Variants in PPP4C observed in about 807,000 individuals in gnomAD.
PPP4C encodes the protein serine/threonine-protein phosphatase 4 catalytic subunit.
In PPP4C, 10 loss-of-function variants were observed where a neutral mutation model predicts 40.5. The ratio of observed to expected loss-of-function variants is 0.25; its 90% CI spans 0.15 to 0.42. PPP4C has a LOEUF of 0.42. Ranked by LOEUF, PPP4C falls within the 10% of genes least tolerant of loss-of-function variation. PPP4C has a pLI of 1.00. For missense variants in PPP4C, 191 were observed against 416.4 expected, an observed-to-expected ratio of 0.46 and a Z score of 4.71; for synonymous variants, 187 against 163.6, an observed-to-expected ratio of 1.14 and a Z score of -1.09.
chr16:30,084,337 C>T (rs72791230), intron 7 of PPP4C, among the ~76,000 whole-genome samples: 131 of 152,352 alleles, frequency 8.6e-4, no homozygotes, highest in Admixed American at 3.3e-3. Flanking sequence ...ACAGTCACTC[C>T]GGACCTCCCT....
Position 30,082,626 on chromosome 16 carries a change from G to T in PPP4C, c.201+92G>T. The T allele has an allele frequency of 1.9e-6, 3 of 1,553,438 alleles. No homozygotes were observed. In the Admixed American group the frequency reaches 5.1e-5, roughly 26 times the overall value. On this transcript the variant is annotated intron_variant, in intron 4 of 8. Transcript: ENST00000279387. The stretch of plus-strand genomic sequence containing the variant: ...TGGGAGCCTTAATTTGGGGCGTGGA[G>T]TGGGGGCAAGGGGCCCCAAGTTAGA...
At chr16:30,084,909 T>TGACCCTGC (rs749802085) in intron 8 of PPP4C, 24 bp from the exon 9 acceptor site, 1 of 1,613,890 alleles carries the variant, frequency 6.2e-7, no homozygotes, top group South Asian at 1.1e-5. Flanking sequence ...GAGCTGCTCC[T>TGACCCTGC]GACCCTGCTG....
chr16:30,083,840 G>A lies in PPP4C; in HGVS notation c.604+59G>A, dbSNP rs2072558037. 4 of 1,599,598 alleles carry A rather than the reference G, an allele frequency of 2.5e-6. No homozygotes were observed. Among genetic ancestry groups the A allele is most frequent in the Non-Finnish European group, 3.4e-6 (4 of 1,173,698 alleles). On this transcript the variant is annotated intron_variant, in intron 7 of 8. Coordinates refer to ENST00000279387, the MANE Select transcript of PPP4C (RefSeq NM_002720.3). This position sits in a 1 kb window ranked among gnomAD's most constrained non-coding sequence, Gnocchi z 6.3. ...GCCAGGAGGGGTTGGGAAAGAGAGGGAGCAGGGCTGGTCTTCACTGTCACT... is the reference window on the plus strand; with the variant it reads ...GCCAGGAGGGGTTGGGAAAGAGAGGAAGCAGGGCTGGTCTTCACTGTCACT...
chr16:30,079,735 C>T (rs1324563153), intron 2 of PPP4C, among the ~76,000 whole-genome samples: 4 of 152,182 alleles, frequency 2.6e-5, no homozygotes, highest in Non-Finnish European at 1.5e-5. Flanking sequence ...ATCCTCCTGT[C>T]CACTGAGCTC....
intron 3 of PPP4C, 196 bp downstream of exon 3, chr16:30,081,506 A>G: frequency 2.0e-6 from 1 of 492,794 alleles, no homozygotes. Context: ...GCATTTTGGG[A>G]GGGCAAGGTG....
chr16:30,079,551 C>T (rs1205114048), intron 2 of PPP4C, among the ~76,000 whole-genome samples: 1 of 152,148 alleles, frequency 6.6e-6, no homozygotes, highest in African/African-American at 2.4e-5. Flanking sequence ...TTGGAAAGGT[C>T]ACTATGAGCA....
intron 2 of PPP4C, among the ~76,000 whole-genome samples, chr16:30,077,922 C>T (rs2072432859): frequency 6.6e-6 from 1 of 152,194 alleles, no homozygotes; most frequent in Admixed American, 6.5e-5. Context: ...CAGACAGGGC[C>T]TGTGAGGGGA....
chr16:30,076,510 C>A (rs373709777), intron 2 of PPP4C, 35 bp downstream of exon 2: 1 of 1,570,116 alleles, frequency 6.4e-7, no homozygotes, highest in Non-Finnish European at 8.7e-7. Context: ...GGAGGCCAAG[C>A]CGCCGCCCAC....
Position 30,083,738 on chromosome 16 carries a change from T to C in PPP4C, c.561T>C (p.Pro187=), listed in dbSNP as rs749706854. 2 of 1,614,138 alleles carry C rather than the reference T, an allele frequency of 1.2e-6. No homozygotes were observed. Among genetic ancestry groups the C allele is most frequent in the Non-Finnish European group, 1.7e-6 (2 of 1,180,020 alleles). ...CAATCGACCGAAAGCAAGAGGTGCC[T>C]CATGATGGGCCCATGTGTGACCTCC... ...IRTIDRKQEV[P]HDGPMCDLLW... The change falls in exon 7 of 9, where the codon CCT becomes CCC. Residue 187 remains proline, a synonymous_variant. Transcript: ENST00000279387. The surrounding 1 kb of genome is among the most constrained non-coding windows in gnomAD (Gnocchi z 6.3).
chr16:30,083,486 C>G lies in PPP4C; in HGVS notation c.396C>G (p.Arg132=). 1 of 1,614,202 alleles carries G rather than the reference C, an allele frequency of 6.2e-7. No homozygotes were observed. The highest frequency in any genetic ancestry group is 2.2e-5 in the East Asian group (1 of 44,868). ...QVYGFYDECL[R]KYGSVTVWRY... ...ATGGCTTCTACGATGAGTGCCTGCG[C>G]AAGTACGGCTCGGTGACTGTGTGGC... Residue 132 remains arginine, a synonymous_variant, in exon 6 of 9, where the codon CGC becomes CGG. Transcript: ENST00000279387. This position sits in a 1 kb window ranked among gnomAD's most constrained non-coding sequence, Gnocchi z 6.3.
intron 2 of PPP4C, among the ~76,000 whole-genome samples, chr16:30,076,805 G>A (rs1464653609): frequency 6.6e-6 from 1 of 152,176 alleles, no homozygotes; most frequent in Non-Finnish European, 1.5e-5. Flanking sequence ...CGAATAAGGA[G>A]GTGGTAAAAG....
intron 2 of PPP4C, among the ~76,000 whole-genome samples, chr16:30,081,035 G>A (rs1483513386): frequency 1.3e-5 from 2 of 152,176 alleles, no homozygotes; most frequent in African/African-American, 4.8e-5. Flanking sequence ...GGCCTGGAAC[G>A]CTGGGATAAG....
Position 30,080,775 on chromosome 16 carries a change from G to A in PPP4C, c.99-484G>A, listed in dbSNP as rs549194534. 2.0e-5 allele frequency among the ~76,000 whole-genome samples: 3 copies of A among 152,324 alleles called. No individual in the cohort carries two copies. The South Asian group carries it at 6.2e-4, about 32-fold the overall frequency. On this transcript the variant is annotated intron_variant, in intron 2 of 8. Transcript: ENST00000279387. ...CCACCCTGGCATCCCAAAGTGCTGG[G>A]ATTACAGGCATGAGCCACCGCACCT...
intron 5 of PPP4C, 92 bp downstream of exon 5, chr16:30,082,939 G>A: frequency 9.0e-7 from 1 of 1,108,458 alleles, no homozygotes; most frequent in Non-Finnish European, 1.3e-6. Flanking sequence ...ATCGTGACCA[G>A]CCCCACCTTG....
chr16:30,080,160 C>T (rs1159186200), intron 2 of PPP4C, among the ~76,000 whole-genome samples: 1 of 151,812 alleles, frequency 6.6e-6, no homozygotes, highest in Non-Finnish European at 1.5e-5. Context: ...GCCTGGGCAA[C>T]ATAGTGAAAT....
At chr16:30,077,212 C>T (rs1246213249) in intron 2 of PPP4C, among the ~76,000 whole-genome samples, 2 of 152,126 alleles carry the variant, frequency 1.3e-5, no homozygotes, top group African/African-American at 2.4e-5. Context: ...CTGCCGCTTT[C>T]TAGCTGTGTT....
intron 2 of PPP4C, 164 bp from the exon 3 acceptor site, chr16:30,081,095 A>T: frequency 1.1e-6 from 1 of 883,340 alleles, no homozygotes; most frequent in Non-Finnish European, 1.8e-6. Flanking sequence ...AGGGTGTTGC[A>T]TGCTGAAGGG....
intron 2 of PPP4C, among the ~76,000 whole-genome samples, chr16:30,080,506 CTTT>C (rs71373222): frequency 2.4e-5 from 3 of 123,980 alleles, no homozygotes; most frequent in Non-Finnish European, 5.0e-5. Context: ...GAGCACCTCA[CTTT>C]TTTTTTTTTT....
intron 2 of PPP4C, among the ~76,000 whole-genome samples, chr16:30,079,230 C>T (rs545224257): frequency 2.0e-5 from 3 of 151,150 alleles, no homozygotes; most frequent in East Asian, 3.9e-4. Context: ...CTGTTGTTGC[C>T]CAGGCTGGAG....
Sources: allele counts gnomAD v4.1 joint callset (sites outside exome capture counted in the v4.1 genomes callset), GRCh38; gene constraint gnomAD v4.1.1; non-coding constraint Gnocchi (gnomAD v3.1); transcripts MANE v1.5; gene names NCBI Gene and HGNC (gene_info 2026-07-23, HGNC 2026-07-21).